Variants in HS6ST2 observed in about 807,000 individuals in gnomAD.
The protein encoded by HS6ST2 is heparan-sulfate 6-O-sulfotransferase 2.
Under a neutral mutation model 33.0 loss-of-function variants are expected in HS6ST2, and 17 were observed. That is an observed-to-expected ratio of 0.52 (90% CI 0.35 to 0.77). HS6ST2 has a LOEUF of 0.77. HS6ST2 is among the 30% of genes least tolerant of loss of function. The probability of loss-of-function intolerance (pLI) is 0.01; values close to 1 mark genes in which losing one functional copy is unlikely to be tolerated. For missense variants in HS6ST2, 519 were observed against 551.7 expected, an observed-to-expected ratio of 0.94 and a Z score of 0.59; for synonymous variants, 248 against 237.1, an observed-to-expected ratio of 1.05 and a Z score of -0.42.
intron 2 of HS6ST2, among the ~76,000 whole-genome samples, chrX:132,733,917 G>A (rs781167085): frequency 9.3e-6 from 1 of 107,556 alleles, no homozygotes; most frequent in African/African-American, 3.4e-5. Flanking sequence ...GTAGAGATGA[G>A]TGGAGACTTG....
At chrX:132,938,260 G>GTT (rs1445266681) in intron 2 of HS6ST2, among the ~76,000 whole-genome samples, 2 of 105,058 alleles carry the variant, frequency 1.9e-5, no homozygotes, top group Non-Finnish European at 3.9e-5. Context: ...TCCATTCATT[G>GTT]TTTTTTTTTT....
chrX:132,688,476 G>C (rs942130440), intron 3 of HS6ST2, among the ~76,000 whole-genome samples: 3 of 111,519 alleles, frequency 2.7e-5, no homozygotes, highest in Non-Finnish European at 5.7e-5. Context: ...CATGACTGGG[G>C]AGGCCTCAGG....
chrX:132,634,114 C>G (rs1248200435), intron 4 of HS6ST2, among the ~76,000 whole-genome samples: 1 of 112,331 alleles, frequency 8.9e-6, no homozygotes, highest in South Asian at 3.7e-4. Context: ...TGGAGGAAAT[C>G]TAAGCCTGTC....
At chrX:132,668,761 T>C (rs951778913) in intron 4 of HS6ST2, among the ~76,000 whole-genome samples, 1 of 111,706 alleles carries the variant, frequency 9.0e-6, no homozygotes, top group African/African-American at 3.3e-5. Context: ...TTGTAAGTCA[T>C]AAATCAGTGC....
intron 2 of HS6ST2, among the ~76,000 whole-genome samples, chrX:132,718,782 A>G (rs1266116380): frequency 9.0e-6 from 1 of 111,084 alleles, no homozygotes; most frequent in Non-Finnish European, 1.9e-5. Context: ...CACCATAGCT[A>G]TGCTGCTCCC....
intron 2 of HS6ST2, among the ~76,000 whole-genome samples, chrX:132,793,048 CTTTTTTTTTT>C (rs755535720): frequency 1.3e-4 from 7 of 53,247 alleles, no homozygotes; most frequent in African/African-American, 5.2e-4. Context: ...AAATAAACTC[CTTTTTTTTTT>C]TTTTTTTTTT....
At chrX:132,835,399 G>C (rs983528198) in intron 2 of HS6ST2, among the ~76,000 whole-genome samples, 5 of 111,380 alleles carry the variant, frequency 4.5e-5, no homozygotes, top group Non-Finnish European at 9.4e-5. Context: ...AACCTGCAGA[G>C]CACCTCCCCC....
intron 2 of HS6ST2, among the ~76,000 whole-genome samples, chrX:132,912,012 G>A (rs769069151): frequency 4.1e-4 from 46 of 111,827 alleles, no homozygotes; most frequent in Admixed American, 1.0e-3. Flanking sequence ...CTGTAGTTAC[G>A]TCCACAGACT....
intron 4 of HS6ST2, among the ~76,000 whole-genome samples, chrX:132,630,921 A>G (rs189646): frequency 0.45 from 49,417 of 110,383 alleles, 9,676 homozygotes; most frequent in African/African-American, 0.76. Flanking sequence ...TTTCAGCCTG[A>G]GCAATAGAGT....
chrX:132,728,107 A>T (rs928598869), intron 2 of HS6ST2, among the ~76,000 whole-genome samples: 5 of 112,071 alleles, frequency 4.5e-5, no homozygotes, highest in African/African-American at 1.6e-4. Flanking sequence ...ATGAATGTTA[A>T]TGTACAAGTT....
At chrX:132,650,105 G>C (rs2063678891) in intron 4 of HS6ST2, among the ~76,000 whole-genome samples, 1 of 111,736 alleles carries the variant, frequency 8.9e-6, no homozygotes, top group Non-Finnish European at 1.9e-5. Context: ...GATGTCTGCA[G>C]CCTTGAAGGG....
intron 3 of HS6ST2, among the ~76,000 whole-genome samples, chrX:132,699,980 C>T (rs2064131597): frequency 8.9e-6 from 1 of 111,837 alleles, no homozygotes; most frequent in African/African-American, 3.2e-5. Context: ...CCATTAAAGA[C>T]CTATTTATGC....
chrX:132,957,410 G>A (rs2067093656), intron 1 of HS6ST2, 84 bp from the exon 2 acceptor site: 3 of 1,000,469 alleles, frequency 3.0e-6, no homozygotes, highest in East Asian at 3.3e-5. Context: ...TTCCCCTGGA[G>A]CCGCTGCTGC....
At chrX:132,932,108 C>G (rs1289344910) in intron 2 of HS6ST2, among the ~76,000 whole-genome samples, 1 of 107,941 alleles carries the variant, frequency 9.3e-6, no homozygotes, top group African/African-American at 3.4e-5. Flanking sequence ...ATGGCGTGAA[C>G]CCGGGAGGCG....
rs746898218 is a variant in HS6ST2, at chrX:132,882,233, A to G, written c.947+74575T>C. On this transcript the variant is annotated intron_variant, in intron 2 of 4. Coordinates refer to ENST00000370833, the MANE Select transcript of HS6ST2 (RefSeq NM_001394073.1). ...CCTTGGGCAGTATGGCCATTTTCAC[A>G]ATATTGATTCTTCCTATCCATGAGC... Among the ~76,000 whole-genome samples, 287 of 111,435 alleles carry G rather than the reference A, an allele frequency of 2.6e-3. 1 individual carries two copies. Among genetic ancestry groups the G allele is most frequent in the African/African-American group, 8.4e-3 (259 of 30,653 alleles).
At chrX:132,788,266 C>A (rs2065085435) in intron 2 of HS6ST2, among the ~76,000 whole-genome samples, 2 of 111,763 alleles carry the variant, frequency 1.8e-5, no homozygotes, top group Non-Finnish European at 3.8e-5. Context: ...GTAATTTTCA[C>A]AATATTTCAA....
At chrX:132,810,423 AG>A (rs2065330093) in intron 2 of HS6ST2, among the ~76,000 whole-genome samples, 1 of 108,639 alleles carries the variant, frequency 9.2e-6, no homozygotes, top group African/African-American at 3.4e-5. Flanking sequence ...GAAGGAAGGA[AG>A]GAAGGAGAGA....
In HS6ST2 at chrX:132,890,914, A is replaced by T. The variant is rs190660129; in HGVS notation, c.947+65894T>A. On this transcript the variant is annotated intron_variant, in intron 2 of 4. Transcript: ENST00000370833. The stretch of plus-strand genomic sequence containing the variant: ...TATTTTTACCTAATTATAGCATTCA[A>T]CTGGCATTTTCCAAGGGCTTCAATT... Among the ~76,000 whole-genome samples, 208 of 111,748 alleles carry T rather than the reference A, an allele frequency of 1.9e-3. 2 individuals are homozygous for T. Among genetic ancestry groups the T allele is most frequent in the African/African-American group, 6.4e-3 (197 of 30,778 alleles).
At chrX:132,647,108 G>C (rs761538116) in intron 4 of HS6ST2, among the ~76,000 whole-genome samples, 1 of 111,468 alleles carries the variant, frequency 9.0e-6, no homozygotes, top group African/African-American at 3.3e-5. Flanking sequence ...GGACAGGACT[G>C]AGATCACAGA....
Sources: gnomAD v4.1 joint callset for allele counts (sites outside exome capture counted in the v4.1 genomes callset) on GRCh38, gnomAD v4.1.1 for gene constraint, MANE v1.5 for transcripts, NCBI Gene and HGNC (gene_info 2026-07-23, HGNC 2026-07-21) for gene names.